Variants in GRID1 observed in about 807,000 individuals in gnomAD.
GRID1 encodes glutamate ionotropic receptor delta type subunit 1.
GRID1 carries 28 observed loss-of-function variants against 98.0 expected under a neutral mutation model. That is an observed-to-expected ratio of 0.29 (90% confidence interval 0.21 to 0.39). The LOEUF is 0.39. Ranked by LOEUF, GRID1 falls within the 10% of genes least tolerant of loss-of-function variation. GRID1 has a pLI of 1.00. For missense variants in GRID1, 1,111 were observed against 1,340.5 expected (o/e 0.83, Z 2.67); for synonymous variants, 553 against 538.5 (o/e 1.03, Z -0.37).
chr10:86,202,153 C>T (rs995339082), intron 3 of GRID1, among the ~76,000 whole-genome samples: 1 of 152,242 alleles, frequency 6.6e-6, no homozygotes, highest in Non-Finnish European at 1.5e-5. Context: ...AGCCCAGAGA[C>T]CAAGAAAGGA....
intron 8 of GRID1, among the ~76,000 whole-genome samples, chr10:85,798,760 G>C (rs1470943155): frequency 6.6e-6 from 1 of 151,882 alleles, no homozygotes. Context: ...TTAACCCCTT[G>C]TCAGATGCAT....
intron 3 of GRID1, among the ~76,000 whole-genome samples, chr10:86,191,608 T>C (rs1261139955): frequency 2.0e-5 from 3 of 151,756 alleles, no homozygotes; most frequent in African/African-American, 4.8e-5. Context: ...TATTTCACCC[T>C]CTCTCTGCTT....
chr10:86,035,700 CAAAA>C (rs1843251028), intron 4 of GRID1, among the ~76,000 whole-genome samples: 3 of 151,860 alleles, frequency 2.0e-5, no homozygotes, highest in Non-Finnish European at 4.4e-5. Context: ...CTTTGGTGAA[CAAAA>C]CAGCATAGTC....
chr10:85,830,973 G>A (rs1211185050), intron 8 of GRID1, among the ~76,000 whole-genome samples: 1 of 152,086 alleles, frequency 6.6e-6, no homozygotes, highest in Non-Finnish European at 1.5e-5. Flanking sequence ...ATATCCAAAG[G>A]AATATAAATC....
chr10:85,784,549 T>A (rs996265395), intron 8 of GRID1, among the ~76,000 whole-genome samples: 10 of 152,208 alleles, frequency 6.6e-5, no homozygotes, highest in Non-Finnish European at 2.9e-5. Context: ...TTCCCCCTTC[T>A]ACCAAGTGGG....
At chr10:85,691,789 G>A (rs750655866) in intron 12 of GRID1, among the ~76,000 whole-genome samples, 3 of 152,142 alleles carry the variant, frequency 2.0e-5, no homozygotes, top group Non-Finnish European at 4.4e-5. Context: ...CCCCAAATGT[G>A]CCATACATAT....
intron 2 of GRID1, among the ~76,000 whole-genome samples, chr10:86,302,212 A>T (rs919283987): frequency 1.3e-4 from 20 of 152,330 alleles, no homozygotes; most frequent in East Asian, 1.9e-4. Context: ...CATGAACAGC[A>T]GCTCCTCCTT....
rs368219561 is a variant in GRID1, at chr10:86,138,511, GA to G, written c.726+307del. ...TCAACAAAGAGAGGAAAATTAAAAA[GA>G]AAAAAAAAAGGGCTGAGTCTTGCCT... On this transcript the variant is annotated intron_variant, in intron 4 of 15. Coordinates refer to ENST00000327946, the MANE Select transcript of GRID1 (RefSeq NM_017551.3). Among the ~76,000 whole-genome samples the G allele has an allele frequency of 7.8e-3, 1,150 of 146,618 alleles. 18 individuals carry two copies. Among genetic ancestry groups the G allele is most frequent in the African/African-American group, 0.026 (1,057 of 39,976 alleles).
intron 2 of GRID1, among the ~76,000 whole-genome samples, chr10:86,302,774 G>A (rs924504751): frequency 1.3e-4 from 20 of 152,208 alleles, no homozygotes; most frequent in Non-Finnish European, 2.4e-4. Context: ...AGGAAAGAAA[G>A]GGGGTTGTTC....
intron 8 of GRID1, among the ~76,000 whole-genome samples, chr10:85,827,405 T>C (rs1842829716): frequency 6.6e-6 from 1 of 152,042 alleles, no homozygotes; most frequent in Admixed American, 6.5e-5. Context: ...AACAATTCTC[T>C]TAATTAAATC....
chr10:86,215,151 C>T (rs1846156686), intron 2 of GRID1, among the ~76,000 whole-genome samples: 1 of 152,324 alleles, frequency 6.6e-6, no homozygotes, highest in East Asian at 1.9e-4. Flanking sequence ...AGCAGCTGTG[C>T]AAGTATCTCA....
chr10:86,244,403 G>A (rs1315408269), intron 2 of GRID1, among the ~76,000 whole-genome samples: 1 of 152,224 alleles, frequency 6.6e-6, no homozygotes, highest in African/African-American at 2.4e-5. Context: ...CTATTGTCTG[G>A]TAAGAGACAC....
chr10:85,826,227 C>T (rs1223415798), intron 8 of GRID1, among the ~76,000 whole-genome samples: 1 of 152,024 alleles, frequency 6.6e-6, no homozygotes, highest in East Asian at 1.9e-4. Flanking sequence ...CCCAGCTACT[C>T]GGGAGGCTAA....
chr10:86,089,490 C>T (rs1226346893), intron 4 of GRID1, among the ~76,000 whole-genome samples: 2 of 152,188 alleles, frequency 1.3e-5, no homozygotes, highest in Non-Finnish European at 2.9e-5. Flanking sequence ...CCATGAGCCT[C>T]ATAACGTAAT....
chr10:86,229,099 A>C (rs2132034738), intron 2 of GRID1, among the ~76,000 whole-genome samples: 1 of 152,088 alleles, frequency 6.6e-6, no homozygotes, highest in East Asian at 1.9e-4. Flanking sequence ...TCCCCACATG[A>C]TCTCCTTTGG....
chr10:85,739,261 G>C (rs1841917121), intron 8 of GRID1, among the ~76,000 whole-genome samples: 1 of 152,110 alleles, frequency 6.6e-6, no homozygotes, highest in Non-Finnish European at 1.5e-5. Context: ...CTATTGGCAA[G>C]GATGATAAGA....
chr10:86,319,905 C>T (rs959164158), intron 2 of GRID1, among the ~76,000 whole-genome samples: 1 of 152,200 alleles, frequency 6.6e-6, no homozygotes, highest in Admixed American at 6.5e-5. Context: ...CCAGGAGCTC[C>T]CTAGCTCCCT....
At chr10:85,772,880 A>C (rs891660235) in intron 8 of GRID1, among the ~76,000 whole-genome samples, 1 of 152,212 alleles carries the variant, frequency 6.6e-6, no homozygotes, top group Non-Finnish European at 1.5e-5. Context: ...TCACAGCCGA[A>C]TTCTACCACA....
At position 85,935,241 on chromosome 10, in the gene GRID1, A is replaced by G. The variant is rs533036371; in HGVS notation, c.727-19002T>C. 1.2e-4 allele frequency among the ~76,000 whole-genome samples: 18 copies of G among 152,326 alleles called. No individual in the cohort carries two copies. In the East Asian group the frequency reaches 2.9e-3, roughly 25 times the overall value. On this transcript the variant is annotated intron_variant, in intron 4 of 15. Transcript: ENST00000327946. ...AGAAAATAAGAGGCTGAGCCAGAAG[A>G]GGATCCCAAGTCTGCTCGTGGCCAA...
Sources: allele counts gnomAD v4.1 joint callset (sites outside exome capture counted in the v4.1 genomes callset), GRCh38; gene constraint gnomAD v4.1.1; transcripts MANE v1.5; gene names NCBI Gene and HGNC (gene_info 2026-07-23, HGNC 2026-07-21).